The following SLMAP variants were observed in gnomAD, a reference collection of about 807,000 sequenced individuals.
SLMAP encodes the protein sarcolemma associated protein, also known as sarcolemmal membrane-associated protein.
SLMAP carries 44 observed loss-of-function variants against 128.8 expected under a neutral mutation model. The observed-to-expected ratio is 0.34, with a 90% CI of 0.27 to 0.44. The LOEUF (loss-of-function observed/expected upper bound fraction) is 0.44, where lower values mean the gene tolerates loss of function less well. Ranked by LOEUF, SLMAP falls within the 20% of genes least tolerant of loss-of-function variation. The pLI is 1.00. For missense variants in SLMAP, 787 were observed against 985.3 expected, an observed-to-expected ratio of 0.80 and a Z score of 2.69; for synonymous variants, 327 against 348.8, an observed-to-expected ratio of 0.94 and a Z score of 0.70.
chr3:57,839,804 C>T (rs1034094035), intron 3 of SLMAP, among the ~76,000 whole-genome samples: 1 of 152,168 alleles, frequency 6.6e-6, no homozygotes, highest in Non-Finnish European at 1.5e-5. Context: ...GGTGATCTGC[C>T]TCGGCCTCCC....
chr3:57,869,657 T>TAA (rs1209374314), intron 13 of SLMAP, among the ~76,000 whole-genome samples: 4 of 135,538 alleles, frequency 3.0e-5, no homozygotes, highest in African/African-American at 1.1e-4. Context: ...TATATATATA[T>TAA]ATAATATATA....
chr3:57,863,778 A>G (rs780857842), intron 10 of SLMAP, among the ~76,000 whole-genome samples: 22 of 152,186 alleles, frequency 1.4e-4, no homozygotes, highest in Non-Finnish European at 3.2e-4. Context: ...TCAAATTTCA[A>G]CATTGAGGCT....
intron 2 of SLMAP, among the ~76,000 whole-genome samples, chr3:57,798,657 T>C (rs2087389398): frequency 6.6e-6 from 1 of 152,204 alleles, no homozygotes; most frequent in Admixed American, 6.5e-5. Context: ...TTTAACTCAA[T>C]TGATGCATAG....
chr3:57,764,192 A>G (rs926076254), intron 2 of SLMAP, among the ~76,000 whole-genome samples: 2 of 152,154 alleles, frequency 1.3e-5, no homozygotes, highest in African/African-American at 4.8e-5. Flanking sequence ...GAGCACTGAC[A>G]TACCAAACCC....
In SLMAP at chr3:57,922,924, G is replaced by A; in HGVS notation, c.2346G>A (p.Lys782=). 1 of 1,613,620 alleles carries A rather than the reference G, an allele frequency of 6.2e-7. No individual in the cohort carries two copies. The highest frequency in any genetic ancestry group is 8.5e-7 in the Non-Finnish European group (1 of 1,179,934). Residue 782 remains lysine (K), a synonymous_variant, in exon 23 of 25, where the codon AAG becomes AAA. Transcript: ENST00000671191. The part of the protein sequence containing the change: ...EKTQTVLSEL[K]LKFEMTEQEK... ...CACAGACTGTACTCTCAGAACTGAA[G>A]TTGAAGTTTGAAATGACTGAGCAGG...
intron 21 of SLMAP, among the ~76,000 whole-genome samples, chr3:57,916,358 T>G (rs1466384212): frequency 6.6e-6 from 1 of 152,182 alleles, no homozygotes; most frequent in Non-Finnish European, 1.5e-5. Context: ...TTAAGTGACT[T>G]GCTTAATATC....
At chr3:57,856,119 G>A (rs530357610) in intron 6 of SLMAP, among the ~76,000 whole-genome samples, 1 of 152,034 alleles carries the variant, frequency 6.6e-6, no homozygotes, top group East Asian at 1.9e-4. Flanking sequence ...GGCTGAGGCA[G>A]GAGGATCATA....
At position 57,901,435 on chromosome 3, in the gene SLMAP, G is replaced by A. The variant is rs1019125747; in HGVS notation, c.1501+4503G>A. 8 of 152,120 alleles carry A rather than the reference G, an allele frequency of 5.3e-5. 1 individual carries two copies. The highest frequency in any genetic ancestry group is 3.3e-4 in the Admixed American group (5 of 15,268). 9.4% of individuals were successfully genotyped at this position (152,120 alleles called of 1,614,324 possible). On this transcript the variant is annotated intron_variant, in intron 17 of 24. Transcript: ENST00000671191. ...AGGATAGAGAAGAAAGGCATTTTGAGTTTCATGGGACAAGAGTCATTTGAA... is the reference window on the plus strand; with the variant it reads ...AGGATAGAGAAGAAAGGCATTTTGAATTTCATGGGACAAGAGTCATTTGAA...
intron 13 of SLMAP, among the ~76,000 whole-genome samples, chr3:57,869,734 A>G (rs1305731966): frequency 1.4e-5 from 2 of 147,384 alleles, no homozygotes; most frequent in Non-Finnish European, 3.0e-5. Flanking sequence ...ATTAATAAAT[A>G]TTAAAATGAT....
intron 17 of SLMAP, among the ~76,000 whole-genome samples, chr3:57,906,678 TATATATA>T (rs2096577683): frequency 1.2e-4 from 1 of 8,208 alleles, no homozygotes; most frequent in South Asian, 2.6e-3. Flanking sequence ...AAAAAAAATA[TATATATA>T]TATATATATA....
chr3:57,900,044 A>G (rs1292225618), intron 17 of SLMAP: 2 of 152,218 alleles, frequency 1.3e-5, no homozygotes, highest in African/African-American at 2.4e-5. Context: ...ATAGACTGAC[A>G]TAATTTTCTC....
intron 24 of SLMAP, among the ~76,000 whole-genome samples, chr3:57,926,622 A>G (rs1455446183): frequency 6.6e-6 from 1 of 152,232 alleles, no homozygotes; most frequent in African/African-American, 2.4e-5. Flanking sequence ...GATCTTATAA[A>G]GCCCTCTAAA....
chr3:57,847,421 T>C (rs1439403612), intron 5 of SLMAP, among the ~76,000 whole-genome samples, 188 bp downstream of exon 5: 1 of 152,236 alleles, frequency 6.6e-6, no homozygotes. Flanking sequence ...GGATGTTTCT[T>C]CAGAAAAAGG....
At chr3:57,860,620 A>G (rs1560287556) in intron 8 of SLMAP, 79 bp from the exon 9 acceptor site, 7 of 1,100,348 alleles carry the variant, frequency 6.4e-6, no homozygotes, top group Non-Finnish European at 8.9e-6. Flanking sequence ...AAAGTATATC[A>G]TAATGTGTTA....
At chr3:57,876,599 T>A (rs2095608637) in intron 14 of SLMAP, among the ~76,000 whole-genome samples, 2 of 152,226 alleles carry the variant, frequency 1.3e-5, no homozygotes, top group African/African-American at 4.8e-5. Context: ...AAACTCCACA[T>A]TTAGTGTTCT....
At chr3:57,856,316 C>A (rs534664108) in intron 6 of SLMAP, among the ~76,000 whole-genome samples, 1 of 152,168 alleles carries the variant, frequency 6.6e-6, no homozygotes, top group African/African-American at 2.4e-5. Context: ...AGTTTTAAAA[C>A]CTTTTTGACT....
intron 6 of SLMAP, among the ~76,000 whole-genome samples, chr3:57,855,891 A>G (rs557266161): frequency 1.3e-5 from 2 of 152,102 alleles, no homozygotes; most frequent in South Asian, 4.2e-4. Context: ...TGAAAATACA[A>G]AAATGAGCCA....
intron 6 of SLMAP, among the ~76,000 whole-genome samples, chr3:57,852,704 A>C (rs1467987378): frequency 6.6e-6 from 1 of 152,202 alleles, no homozygotes; most frequent in Admixed American, 6.5e-5. Flanking sequence ...CATTTTTCAT[A>C]TGAGAAATGT....
chr3:57,916,785 A>T lies in SLMAP; in HGVS notation c.2139-121A>T, dbSNP rs2096822652. The T allele has an allele frequency of 1.1e-5, 8 of 722,632 alleles. No homozygotes were observed. The South Asian group carries it at 1.9e-4, about 18-fold the overall frequency. 44.8% of individuals were successfully genotyped at this position (722,632 alleles called of 1,614,324 possible). On this transcript the variant is annotated intron_variant, in intron 21 of 24. Transcript: ENST00000671191. ...ATGAAAATATTTCATTCTTTTTTATACTTTTCTTTTTTTCTCTGAAATCCA... is the reference window on the plus strand; with the variant it reads ...ATGAAAATATTTCATTCTTTTTTATTCTTTTCTTTTTTTCTCTGAAATCCA...
Sources: allele counts gnomAD v4.1 joint callset (sites outside exome capture counted in the v4.1 genomes callset), GRCh38; gene constraint gnomAD v4.1.1; transcripts MANE v1.5; gene names NCBI Gene and HGNC (gene_info 2026-07-23, HGNC 2026-07-21).